Variants in DNAH6 observed in about 807,000 individuals in gnomAD.
DNAH6 encodes dynein axonemal heavy chain 6, also known as axonemal beta dynein heavy chain 6.
A neutral mutation model predicts 491.4 loss-of-function variants in DNAH6; 340 were observed. The ratio of observed to expected loss-of-function variants is 0.69; its 90% CI spans 0.63 to 0.76. The LOEUF is 0.76. DNAH6 is among the 30% of genes least tolerant of loss of function. DNAH6 has a pLI of 0.00. For missense variants in DNAH6, 4,443 were observed against 4,972.2 expected, an observed-to-expected ratio of 0.89 and a Z score of 3.20; for synonymous variants, 1,603 against 1,686.1, an observed-to-expected ratio of 0.95 and a Z score of 1.21.
At chr2:84,635,719 C>A (rs4313996) in intron 30 of DNAH6, among the ~76,000 whole-genome samples, 27,896 of 152,044 alleles carry the variant, frequency 0.18, 4,924 homozygotes, top group African/African-American at 0.46. Flanking sequence ...TGCCAGTGCC[C>A]TATGAGACAG....
chr2:84,622,510 T>A (rs2104407240), intron 26 of DNAH6, among the ~76,000 whole-genome samples: 1 of 152,250 alleles, frequency 6.6e-6, no homozygotes, highest in East Asian at 1.9e-4. Flanking sequence ...TGCCTTGGCC[T>A]CCCAAAGTGC....
At chr2:84,563,781 A>C (rs1251685363) in intron 11 of DNAH6, among the ~76,000 whole-genome samples, 9 of 152,112 alleles carry the variant, frequency 5.9e-5, no homozygotes, top group Non-Finnish European at 1.5e-5. Flanking sequence ...TGTGTCGAAA[A>C]GGTTATTTTC....
chr2:84,481,639 TCCCCATA>T, the DNAH6 span, among the ~76,000 whole-genome samples: 1 of 152,178 alleles, frequency 6.6e-6, no homozygotes, highest in Admixed American at 6.5e-5. Context: ...TTGGCTTTGT[TCCCCATA>T]TGCTGCAAAC....
intron 40 of DNAH6, among the ~76,000 whole-genome samples, chr2:84,675,533 C>T (rs1252675468): frequency 6.6e-6 from 1 of 152,238 alleles, no homozygotes; most frequent in East Asian, 1.9e-4. Context: ...CAGCTCTCCA[C>T]TGCAAGTGCC....
At chr2:84,484,037 CTG>C in the DNAH6 span, among the ~76,000 whole-genome samples, 805 of 152,218 alleles carry the variant, frequency 5.3e-3, 12 homozygotes, top group African/African-American at 0.019. Flanking sequence ...GGGGATGAGA[CTG>C]TGTTTTTGCC....
At chr2:84,527,400 G>A (rs553271508) in intron 3 of DNAH6, among the ~76,000 whole-genome samples, 24 of 152,252 alleles carry the variant, frequency 1.6e-4, no homozygotes, top group Admixed American at 7.8e-4. Context: ...GTTACATAAT[G>A]AGAAATTAGG....
chr2:84,718,245 G>T lies in DNAH6; in HGVS notation c.9653G>T (p.Arg3218Ile). ...RLEKPRLEEQ[R>I]IKLIVRINTD... ...GAAAAACCCAGGTTGGAAGAACAAA[G>T]AATTAAGCTCATCGTGAGGATCAAC... is the stretch of plus-strand genomic sequence containing the variant. The change falls in exon 59 of 77, where the codon AGA becomes ATA. Residue 3218 changes from arginine (R) to isoleucine (I), a missense_variant. This residue lies in a region of DNAH6 where 1,463 missense variants were observed against 1,656.6 expected (regional missense o/e 0.88). Transcript: ENST00000389394. 1 of 1,545,446 alleles carries T rather than the reference G, an allele frequency of 6.5e-7. No homozygotes were observed. Among genetic ancestry groups the T allele is most frequent in the Non-Finnish European group, 8.7e-7 (1 of 1,145,184 alleles).
intron 63 of DNAH6, among the ~76,000 whole-genome samples, chr2:84,761,084 A>T (rs1221077689): frequency 6.6e-6 from 1 of 152,226 alleles, no homozygotes; most frequent in Non-Finnish European, 1.5e-5. Context: ...CCATCAATGG[A>T]TGACTGGATA....
chr2:84,570,195 A>T (rs994230457), intron 11 of DNAH6, among the ~76,000 whole-genome samples: 2 of 152,210 alleles, frequency 1.3e-5, no homozygotes, highest in African/African-American at 2.4e-5. Flanking sequence ...ATAACAATGG[A>T]GACATGTAAA....
intron 40 of DNAH6, among the ~76,000 whole-genome samples, chr2:84,673,439 A>G (rs141329352): frequency 4.5e-4 from 68 of 152,306 alleles, no homozygotes; most frequent in African/African-American, 1.6e-3. Flanking sequence ...CTCCTGTGCT[A>G]ATGTGTGTGG....
In DNAH6 at chr2:84,654,694, T is replaced by TC. The variant is rs1690779279; in HGVS notation, c.5670dup (p.Ser1891GlnfsTer11). The stretch of plus-strand genomic sequence containing the variant: ...CTGCGGGTTGCCTCCCCTGCAACAG[T>TC]CAGTCGATGTGGAATGGTGTTTGTG... On this transcript the variant is annotated frameshift_variant, in exon 35 of 77. Transcript: ENST00000389394. LOFTEE classifies it high-confidence loss of function. The TC allele has an allele frequency of 6.4e-7, 1 of 1,551,192 alleles. No individual in the cohort carries two copies. The highest frequency in any genetic ancestry group is 8.7e-7 in the Non-Finnish European group (1 of 1,146,444).
chr2:84,641,978 G>C lies in DNAH6; in HGVS notation c.5002G>C (p.Glu1668Gln), dbSNP rs369999856. Residue 1668 changes from glutamate to glutamine, a missense_variant, in exon 33 of 77, where the codon GAA (glutamate) becomes CAA (glutamine). Physicochemically the swap from Glu to Gln is conservative, Grantham distance 29. Transcript: ENST00000389394. ...AAAAAGAGAAAACCCAGACCTAAAT[G>C]AAGATGTGGTGTTGATAAGAGCTTT... ...SLKRENPDLN[E>Q]DVVLIRALQD... 3 of 1,550,754 alleles carry C rather than the reference G, an allele frequency of 1.9e-6. No individual in the cohort carries two copies. The African/African-American group carries it at 4.1e-5, about 21-fold the overall frequency.
Position 84,557,739 on chromosome 2 carries a change from G to GTAT in DNAH6, c.1609_1611dup (p.Ile537dup). ...TTATGCTTTTCTCTTTAACAGGATGGTATTTTGGGTGCAGTTAATCACTGT... is the reference window on the plus strand; with the variant it reads ...TTATGCTTTTCTCTTTAACAGGATGGTATTATTTTGGGTGCAGTTAATCACTGT... On this transcript the variant is annotated inframe_insertion, in exon 11 of 77. Transcript: ENST00000389394. 6.4e-7 allele frequency: 1 copy of GTAT among 1,566,072 alleles called. No individual in the cohort carries two copies.
chr2:84,720,170 G>T (rs1361378593), intron 59 of DNAH6, among the ~76,000 whole-genome samples: 1 of 151,520 alleles, frequency 6.6e-6, no homozygotes, highest in South Asian at 2.1e-4. Flanking sequence ...GTGAGAAAGG[G>T]ACAAACCCCT....
intron 64 of DNAH6, among the ~76,000 whole-genome samples, chr2:84,775,195 C>A (rs968958319): frequency 3.3e-5 from 5 of 151,792 alleles, no homozygotes; most frequent in African/African-American, 9.7e-5. Context: ...TGCCTAGTTT[C>A]TTTTTTAATA....
chr2:84,557,688 A>G (rs776030166), intron 10 of DNAH6, 47 bp from the exon 11 acceptor site: 1 of 547,194 alleles, frequency 1.8e-6, no homozygotes. Context: ...AAAAAAATTT[A>G]TAAATATATG....
chr2:84,594,009 G>A lies in DNAH6; in HGVS notation c.2648G>A (p.Ser883Asn), dbSNP rs753320573. The A allele has an allele frequency of 1.9e-6, 3 of 1,550,678 alleles. No individual in the cohort carries two copies. The African/African-American group carries it at 4.1e-5, about 21-fold the overall frequency. ...VSKFEALEEV[S>N]AELKLKQLLW... ...AAGTTTGAAGCTTTGGAAGAAGTCA[G>A]TGCTGAACTGAAGCTCAAACAATTG... Residue 883 changes from serine (S) to asparagine (N), a missense_variant, in exon 17 of 77, where the codon AGT becomes AAT. Coordinates refer to ENST00000389394, the MANE Select transcript of DNAH6 (RefSeq NM_001370.2).
chr2:84,806,650 CTGAA>C (rs140890558), intron 71 of DNAH6, among the ~76,000 whole-genome samples: 34,627 of 145,774 alleles, frequency 0.24, 5,288 homozygotes, highest in Non-Finnish European at 0.34. Context: ...AAAGGTCTTC[CTGAA>C]TGATCACAAG....
chr2:84,598,131 C>CTTTCTTTCTTTCT (rs1684813871), intron 18 of DNAH6, among the ~76,000 whole-genome samples: 1 of 48,722 alleles, frequency 2.1e-5, no homozygotes, highest in Admixed American at 3.1e-4. Flanking sequence ...TCTTTCTTTT[C>CTTTCTTTCTTTCT]TTTCTTTCTT....
Sources: allele counts gnomAD v4.1 joint callset (sites outside exome capture counted in the v4.1 genomes callset), GRCh38; gene constraint gnomAD v4.1.1; regional missense constraint gnomAD v4.1.1; transcripts MANE v1.5; gene names NCBI Gene and HGNC (gene_info 2026-07-23, HGNC 2026-07-21).